The following SF1 variants were observed in gnomAD, a reference collection of about 807,000 sequenced individuals.
SF1 encodes the protein splicing factor 1, also known as branch point-binding protein.
SF1 carries 7 observed loss-of-function variants against 62.5 expected under a neutral mutation model. That is an observed-to-expected ratio of 0.11 (90% CI 0.06 to 0.21). The LOEUF (loss-of-function observed/expected upper bound fraction) is 0.21, where lower values mean the gene tolerates loss of function less well. SF1 is among the 10% of genes least tolerant of loss of function. The probability of loss-of-function intolerance (pLI) is 1.00; values close to 1 mark genes in which losing one functional copy is unlikely to be tolerated. For missense variants in SF1, 578 were observed against 884.0 expected (o/e 0.65, Z 4.39); for synonymous variants, 394 against 323.6 (o/e 1.22, Z -2.33).
intron 3 of SF1, 34 bp downstream of exon 3, chr11:64,773,396 C>T (rs930499511): frequency 2.5e-6 from 4 of 1,608,860 alleles, no homozygotes; most frequent in Non-Finnish European, 2.5e-6. Flanking sequence ...AAGGTAAAAG[C>T]GTTACTGTCA....
intron 8 of SF1, 42 bp from the exon 9 acceptor site, chr11:64,768,328 CTTG>C: frequency 3.2e-6 from 5 of 1,585,894 alleles, no homozygotes; most frequent in Non-Finnish European, 4.3e-6. Flanking sequence ...AGGGGAAAAA[CTTG>C]TTAAGAAGGA....
rs569279519 is a variant in SF1, at chr11:64,776,041, T to TC, written c.160+456_160+457insG. ...CAGAACCACTTTTTGTCATTTTTTT[T>TC]TTTTCAGAAAGTACCTATAAAAAGT... On this transcript the variant is annotated intron_variant, in intron 2 of 12. Coordinates refer to ENST00000377390, the MANE Select transcript of SF1 (RefSeq NM_004630.4). 2.7e-3 allele frequency: 49 copies of TC among 18,096 alleles called. 1 individual carries two copies. The South Asian group carries it at 0.028, about 10-fold the overall frequency. The allele number at this position is 18,096 out of a possible 1,614,324, so 1.1% of individuals were successfully genotyped here.
intron 3 of SF1, chr11:64,773,144 C>T: frequency 8.0e-7 from 1 of 1,243,120 alleles, no homozygotes; most frequent in Non-Finnish European, 1.0e-6. Flanking sequence ...CTCACTGTCC[C>T]CTAAGGGTGG....
chr11:64,778,141 C>T, intron 1 of SF1: 2 of 788,952 alleles, frequency 2.5e-6, no homozygotes, highest in Non-Finnish European at 1.6e-6. Context: ...GTGGAGGCGG[C>T]GGCGGCTGCT....
At chr11:64,773,150 G>A (rs1288871742) in intron 3 of SF1, 7 of 1,254,274 alleles carry the variant, frequency 5.6e-6, no homozygotes, top group Non-Finnish European at 7.0e-6. Context: ...GTCCCCTAAG[G>A]GTGGGTAAAT....
At chr11:64,773,323 C>G (rs1938617809) in intron 3 of SF1, 107 bp downstream of exon 3, 1 of 1,534,016 alleles carries the variant, frequency 6.5e-7, no homozygotes, top group South Asian at 1.3e-5. Context: ...AGGGTACAGT[C>G]GTCATACTAT....
intron 2 of SF1, 129 bp from the exon 3 acceptor site, chr11:64,773,634 C>T: frequency 3.9e-6 from 4 of 1,033,356 alleles, no homozygotes; most frequent in Middle Eastern, 2.3e-4. Flanking sequence ...GATCAGTGAA[C>T]ACATTGAAGC....
chr11:64,775,429 T>C (rs523964), intron 2 of SF1, among the ~76,000 whole-genome samples: 148,141 of 152,304 alleles, frequency 0.97, 72,188 homozygotes, highest in Middle Eastern at 1. Context: ...TGAGACACAA[T>C]GGAATGGGTG....
intron 1 of SF1, chr11:64,777,780 G>GGCCCCCCCCC: frequency 1.8e-5 from 8 of 445,286 alleles, no homozygotes; most frequent in Non-Finnish European, 2.3e-5. Flanking sequence ...AGCGCCTCCC[G>GGCCCCCCCCC]CCCGCCCAGC....
chr11:64,777,823 C>T, intron 1 of SF1: 1 of 937,900 alleles, frequency 1.1e-6, no homozygotes, highest in Non-Finnish European at 1.3e-6. Context: ...GCACTCGAGG[C>T]CCTAGAACCA....
At chr11:64,769,192 C>A (rs748862442) in intron 7 of SF1, 31 bp downstream of exon 7, 11 of 1,610,334 alleles carry the variant, frequency 6.8e-6, no homozygotes, top group Middle Eastern at 1.6e-4. Context: ...TTCTTCAGGT[C>A]TCTACACTCT....
chr11:64,771,078 A>T (rs1160399769), intron 3 of SF1, among the ~76,000 whole-genome samples: 2 of 152,342 alleles, frequency 1.3e-5, no homozygotes, highest in African/African-American at 4.8e-5. Context: ...TTAAAGTGCT[A>T]AAGCAGCTTC....
At chr11:64,766,850 G>GCCCCCCCGCCCCCC in intron 12 of SF1, 50 bp downstream of exon 12, 1 of 744,976 alleles carries the variant, frequency 1.3e-6, no homozygotes, top group Non-Finnish European at 2.2e-6. Context: ...GTTCCTGTCA[G>GCCCCCCCGCCCCCC]CCCCACCCCC....
intron 3 of SF1, chr11:64,772,723 A>G (rs1333545326): frequency 1.0e-6 from 1 of 985,278 alleles, no homozygotes; most frequent in Non-Finnish European, 1.2e-6. Flanking sequence ...TCCCCCACAC[A>G]ATTTATTTTT....
At position 64,765,535 on chromosome 11, in the gene SF1, G is replaced by T; in HGVS notation, c.*283C>A. The T allele has an allele frequency of 6.2e-7, 1 of 1,604,634 alleles. No individual in the cohort carries two copies. The highest frequency in any genetic ancestry group is 1.1e-5 in the South Asian group (1 of 89,798). On this transcript the variant is annotated 3_prime_UTR_variant, in exon 13 of 13. Transcript: ENST00000377390. ...GGAGGGATCCTGGCGGCCCGGTTTG[G>T]GGAGAGGCAAAGGGAGTTGGGTGAG...
Position 64,767,726 on chromosome 11 carries a change from C to T in SF1, c.1187G>A (p.Ser396Asn). Reference protein sequence around the residue: ...GPGGPGGGPHSFPHPLPSLTG... With the variant: ...GPGGPGGGPHNFPHPLPSLTG... ...CAGGCTGGGTAATGGGTGTGGGAAG[C>T]TGTGGGGGCCACCTCCGGGCCCACC... The change falls in exon 10 of 13, where the codon AGC (serine) becomes AAC (asparagine). Residue 396 changes from serine to asparagine, a missense_variant. This residue lies in a region of SF1 where 410 missense variants were observed against 452.4 expected (regional missense o/e 0.91). Coordinates refer to ENST00000377390, the MANE Select transcript of SF1 (RefSeq NM_004630.4). The T allele has an allele frequency of 6.2e-7, 1 of 1,613,040 alleles. No homozygotes were observed. Among genetic ancestry groups the T allele is most frequent in the South Asian group, 1.1e-5 (1 of 91,012 alleles).
Position 64,773,070 on chromosome 11 carries a change from G to GAA in SF1, c.236+358_236+359dup, listed in dbSNP as rs1192651347. On this transcript the variant is annotated intron_variant, in intron 3 of 12. Transcript: ENST00000377390. Reference sequence around the variant, plus strand: ...TAGTCCCTGCACTGTGTACCTGTGAGAAAAACTCTATGCCCTGGGCTTTTG... The same window carrying GAA: ...TAGTCCCTGCACTGTGTACCTGTGAGAAAAAAACTCTATGCCCTGGGCTTTTG... 5 of 1,124,456 alleles carry GAA rather than the reference G, an allele frequency of 4.4e-6. No individual in the cohort carries two copies. The African/African-American group carries it at 8.5e-5, about 19-fold the overall frequency. The allele number at this position is 1,124,456 out of a possible 1,614,324, so 69.7% of individuals were successfully genotyped here. A position where few individuals can be genotyped will look rare whatever the true frequency, so the allele number is the denominator to read the frequency against.
In SF1 at chr11:64,767,042, CGGCGGCATCATGCCCATAGGTGGT is replaced by C; in HGVS notation, c.1416_1439del (p.Met475_Pro482del). 3 of 1,554,734 alleles carry C rather than the reference CGGCGGCATCATGCCCATAGGTGGT, an allele frequency of 1.9e-6. No individual in the cohort carries two copies. The highest frequency in any genetic ancestry group is 1.7e-6 in the Non-Finnish European group (2 of 1,148,568). On this transcript the variant is annotated inframe_deletion, in exon 12 of 13. Transcript: ENST00000377390. ...GCTGCCCACTGGGAGGCGGCGGCGG[CGGCGGCATCATGCCCATAGGTGGT>C]GGCGGCATCATACCTGTGGACAGGT...
chr11:64,776,438 C>G (rs1939255678), intron 2 of SF1, 60 bp downstream of exon 2: 5 of 1,543,996 alleles, frequency 3.2e-6, no homozygotes, highest in Non-Finnish European at 4.4e-6. Flanking sequence ...AAATGCAGAT[C>G]TTGCTCAGAA....
Sources: gnomAD v4.1 joint callset for allele counts (sites outside exome capture counted in the v4.1 genomes callset) on GRCh38, gnomAD v4.1.1 for gene constraint, gnomAD v4.1.1 regional missense constraint, MANE v1.5 for transcripts, NCBI Gene and HGNC (gene_info 2026-07-23, HGNC 2026-07-21) for gene names.